Variants in SNTB1 observed in about 807,000 individuals in gnomAD.
SNTB1 encodes syntrophin beta 1.
SNTB1 carries 36 observed loss-of-function variants against 48.9 expected under a neutral mutation model. The observed-to-expected ratio is 0.74, with a 90% CI of 0.56 to 0.97. The LOEUF (loss-of-function observed/expected upper bound fraction) is 0.97. Among genes scored for constraint, SNTB1 ranks in the 50% least tolerant of loss-of-function variants. The probability of loss-of-function intolerance (pLI) is 0.00; values close to 1 mark genes in which losing one functional copy is unlikely to be tolerated. For missense variants in SNTB1, 786 were observed against 703.4 expected (o/e 1.12, Z -1.33); for synonymous variants, 299 against 294.6 (o/e 1.01, Z -0.15).
At chr8:120,736,885 G>C (rs34132284) in intron 1 of SNTB1, among the ~76,000 whole-genome samples, 3,409 of 152,252 alleles carry the variant, frequency 0.022, 51 homozygotes, top group Non-Finnish European at 0.031. Context: ...TGTCTTACCT[G>C]TGTCTTAGCC....
intron 1 of SNTB1, 131 bp downstream of exon 1, chr8:120,811,142 C>CCAA (rs1820420203): frequency 8.3e-7 from 1 of 1,205,638 alleles, no homozygotes; most frequent in Non-Finnish European, 1.1e-6. Flanking sequence ...CCCCCCCCCC[C>CCAA]AACACACACA....
rs1215231744 is a variant in SNTB1 at position 120,682,146 on chromosome 8, A to G, written c.788+11546T>C. ...GCAATAGAGAAAAAAACCTTACAAC[A>G]TCAATCTAGAAGCCTCAACATCCTT... On this transcript the variant is annotated intron_variant, in intron 2 of 6. Coordinates refer to ENST00000517992, the MANE Select transcript of SNTB1 (RefSeq NM_021021.4). 2.0e-5 allele frequency among the ~76,000 whole-genome samples: 3 copies of G among 152,308 alleles called. No homozygotes were observed. The East Asian group carries it at 5.8e-4, about 29-fold the overall frequency.
At chr8:120,775,716 AAGGAAG>A (rs1819722837) in intron 1 of SNTB1, among the ~76,000 whole-genome samples, 1 of 91,510 alleles carries the variant, frequency 1.1e-5, no homozygotes, top group East Asian at 2.3e-4. Flanking sequence ...ACAAGGAAGG[AAGGAAG>A]GAAGGAAGGA....
chr8:120,760,914 A>G (rs887619344), intron 1 of SNTB1, among the ~76,000 whole-genome samples: 1 of 152,198 alleles, frequency 6.6e-6, no homozygotes, highest in Non-Finnish European at 1.5e-5. Context: ...CTGCATGAAA[A>G]AATACCGTAA....
chr8:120,799,913 A>G (rs1820192304), intron 1 of SNTB1, among the ~76,000 whole-genome samples: 1 of 152,064 alleles, frequency 6.6e-6, no homozygotes, highest in Admixed American at 6.6e-5. Flanking sequence ...AAATTATACT[A>G]TAATAGATAT....
intron 4 of SNTB1, among the ~76,000 whole-genome samples, chr8:120,563,750 C>T (rs1815701154): frequency 6.6e-6 from 1 of 152,166 alleles, no homozygotes; most frequent in Non-Finnish European, 1.5e-5. Context: ...GAACGAAGCT[C>T]CCTAGCTCTG....
At position 120,687,846 on chromosome 8, in the gene SNTB1, C is replaced by G. The variant is rs137935555; in HGVS notation, c.788+5846G>C. ...GTTGCTCATCATAAACAAATTTTGC[C>G]TATTTGGTTAATGTGAGTCAACCCC... is the stretch of plus-strand genomic sequence containing the variant. On this transcript the variant is annotated intron_variant, in intron 2 of 6. Coordinates refer to ENST00000517992, the MANE Select transcript of SNTB1 (RefSeq NM_021021.4). Among the ~76,000 whole-genome samples the G allele has an allele frequency of 2.8e-4, 43 of 152,286 alleles. No individual in the cohort carries two copies. In the East Asian group the frequency reaches 7.3e-3, roughly 26 times the overall value.
rs1815203304 is a variant in SNTB1, at chr8:120,536,386, A to G, written c.*2491T>C. 1 of 152,244 alleles carries G rather than the reference A, an allele frequency of 6.6e-6. No individual in the cohort carries two copies. The highest frequency in any genetic ancestry group is 6.5e-5 in the Admixed American group (1 of 15,282). 9.4% of individuals were successfully genotyped at this position (152,244 alleles called of 1,614,324 possible). The stretch of plus-strand genomic sequence containing the variant: ...TTCCTCAAAGTGACTCGGTTGATTC[A>G]TTGACTGTACCCAAGCATGATCCAG... On this transcript the variant is annotated 3_prime_UTR_variant, in exon 7 of 7. Coordinates refer to ENST00000517992, the MANE Select transcript of SNTB1 (RefSeq NM_021021.4).
At chr8:120,686,881 G>A (rs954020137) in intron 2 of SNTB1, among the ~76,000 whole-genome samples, 2 of 151,922 alleles carry the variant, frequency 1.3e-5, no homozygotes, top group African/African-American at 2.4e-5. Context: ...CATGAATTCT[G>A]GCAATAGTTT....
chr8:120,730,588 C>G (rs576675723), intron 1 of SNTB1, among the ~76,000 whole-genome samples: 3 of 152,190 alleles, frequency 2.0e-5, no homozygotes, highest in East Asian at 1.9e-4. Flanking sequence ...AAGCATTACA[C>G]CTTCTTACGT....
intron 3 of SNTB1, among the ~76,000 whole-genome samples, chr8:120,593,560 T>A (rs1816277306): frequency 6.6e-6 from 1 of 152,036 alleles, no homozygotes; most frequent in Non-Finnish European, 1.5e-5. Flanking sequence ...AATGATGAGA[T>A]AAAGGAGAAA....
intron 1 of SNTB1, among the ~76,000 whole-genome samples, chr8:120,715,348 A>C (rs2129930706): frequency 6.6e-6 from 1 of 152,334 alleles, no homozygotes; most frequent in East Asian, 1.9e-4. Flanking sequence ...CTTGTATTTC[A>C]GTGGAATTTA....
intron 1 of SNTB1, among the ~76,000 whole-genome samples, chr8:120,789,609 T>A (rs993700349): frequency 2.6e-5 from 4 of 151,914 alleles, no homozygotes; most frequent in East Asian, 1.9e-4. Context: ...AACACCTCTA[T>A]GCACACAAAC....
At chr8:120,614,851 C>T (rs2130735000) in intron 3 of SNTB1, among the ~76,000 whole-genome samples, 1 of 151,896 alleles carries the variant, frequency 6.6e-6, no homozygotes, top group African/African-American at 2.4e-5. Context: ...ATTCTACCAA[C>T]ACGGCTCTTC....
chr8:120,668,375 T>C (rs1320720222), intron 2 of SNTB1, among the ~76,000 whole-genome samples: 2 of 152,232 alleles, frequency 1.3e-5, no homozygotes, highest in Non-Finnish European at 1.5e-5. Context: ...AGGGTAAATA[T>C]AGTTCCCGTT....
intron 5 of SNTB1, chr8:120,542,225 CT>C (rs1815300904): frequency 2.1e-6 from 1 of 472,440 alleles, no homozygotes; most frequent in East Asian, 3.6e-5. Context: ...AAAGAAATTC[CT>C]TTTTCTAGGA....
chr8:120,782,533 C>T (rs1029247401), intron 1 of SNTB1, among the ~76,000 whole-genome samples: 2 of 152,042 alleles, frequency 1.3e-5, no homozygotes, highest in East Asian at 3.9e-4. Context: ...AAATGGAGAA[C>T]AGAAACCACA....
chr8:120,675,675 C>A (rs377589831), intron 2 of SNTB1, among the ~76,000 whole-genome samples: 51 of 152,298 alleles, frequency 3.3e-4, no homozygotes, highest in African/African-American at 1.1e-3. Context: ...CCTGGAAATG[C>A]AGGGGAACAA....
intron 1 of SNTB1, among the ~76,000 whole-genome samples, chr8:120,785,469 C>T (rs545263192): frequency 1.2e-4 from 18 of 152,320 alleles, no homozygotes; most frequent in Non-Finnish European, 1.5e-4. Flanking sequence ...TGCTACTCCC[C>T]GATCCCCACG....
Sources: allele counts gnomAD v4.1 joint callset (sites outside exome capture counted in the v4.1 genomes callset), GRCh38; gene constraint gnomAD v4.1.1; transcripts MANE v1.5; gene names NCBI Gene and HGNC (gene_info 2026-07-23, HGNC 2026-07-21).